CRYGS: variants seen among roughly 807,000 people sequenced by gnomAD.
The protein encoded by CRYGS is crystallin gamma S.
In CRYGS, 13 loss-of-function variants were observed where a neutral mutation model predicts 21.3. The observed-to-expected ratio is 0.61, with a 90% CI of 0.40 to 0.97. CRYGS has a LOEUF of 0.97. Among genes scored for constraint, CRYGS ranks in the 50% least tolerant of loss-of-function variants. The pLI is 0.00. For synonymous variants in CRYGS, 67 were observed against 75.0 expected, an observed-to-expected ratio of 0.89 and a Z score of 0.55; for missense variants, 205 against 229.7, an observed-to-expected ratio of 0.89 and a Z score of 0.69.
At chr3:186,540,418 T>A (rs1263209237) in intron 1 of CRYGS, 1 of 152,210 alleles carries the variant, frequency 6.6e-6, no homozygotes, top group African/African-American at 2.4e-5. Flanking sequence ...TACAGCAGAC[T>A]GGAAGTTCTG....
intron 1 of CRYGS, chr3:186,539,978 C>G: frequency 3.9e-6 from 1 of 258,348 alleles, no homozygotes; most frequent in Non-Finnish European, 7.6e-6. Flanking sequence ...AGGGCAAGTA[C>G]CAAGCCTTAT....
Position 186,538,601 on chromosome 3 carries a change from G to C in CRYGS, c.*95C>G. Reference sequence around the variant, plus strand: ...AGGAGAGGCATTATAGTCAGCAGTGGGATGCATGCCAACTGTTTTATTGAT... The same window carrying C: ...AGGAGAGGCATTATAGTCAGCAGTGCGATGCATGCCAACTGTTTTATTGAT... On this transcript the variant is annotated 3_prime_UTR_variant, in exon 3 of 3. Transcript: ENST00000307944. 1 of 1,492,692 alleles carries C rather than the reference G, an allele frequency of 6.7e-7. No individual in the cohort carries two copies. The highest frequency in any genetic ancestry group is 9.3e-7 in the Non-Finnish European group (1 of 1,074,120). The allele number at this position is 1,492,692 out of a possible 1,614,324, so 92.5% of individuals were successfully genotyped here.
chr3:186,541,356 A>C lies in CRYGS; in HGVS notation c.22-1759T>G, dbSNP rs187042290. On this transcript the variant is annotated intron_variant, in intron 1 of 2. Coordinates refer to ENST00000307944, the MANE Select transcript of CRYGS (RefSeq NM_017541.4). ...GGTCCCTTTTCCTTCCCACCCCTAA[A>C]TCATCTACTTCCTCTCCTTTATCCC... Among the ~76,000 whole-genome samples the C allele has an allele frequency of 4.6e-3, 697 of 151,946 alleles. 2 individuals carry two copies. Among genetic ancestry groups the C allele is most frequent in the Non-Finnish European group, 5.1e-3 (347 of 67,966 alleles).
chr3:186,538,711 G>A lies in CRYGS; in HGVS notation c.522C>T (p.Arg174=), dbSNP rs916687673. 3.1e-6 allele frequency: 5 copies of A among 1,614,078 alleles called. No individual in the cohort carries two copies. The African/African-American group carries it at 6.7e-5, about 22-fold the overall frequency. ...GAASPAVQSF[R]RIVE is the part of the protein sequence containing the mutation. ...ATTCATGTCATTACTCCACAATGCG[G>A]CGGAAAGACTGGACAGCTGGGGAGG... Residue 174 remains arginine, a synonymous_variant, in exon 3 of 3, where the codon CGC becomes CGT. Transcript: ENST00000307944.
At chr3:186,544,135 A>G (rs777205732) in intron 1 of CRYGS, among the ~76,000 whole-genome samples, 171 bp downstream of exon 1, 1 of 152,202 alleles carries the variant, frequency 6.6e-6, no homozygotes, top group Admixed American at 6.5e-5. Context: ...GTGTTCGGTA[A>G]TTCTGTTAAG....
chr3:186,538,463 G>A lies in CRYGS; in HGVS notation c.*233C>T. 1 of 589,226 alleles carries A rather than the reference G, an allele frequency of 1.7e-6. No individual in the cohort carries two copies. The highest frequency in any genetic ancestry group is 3.0e-6 in the Non-Finnish European group (1 of 331,866). The allele number at this position is 589,226 out of a possible 1,614,324, so 36.5% of individuals were successfully genotyped here. ...CAGTATGACTTTCTAACCTTTTAATGAGATCTCATTTTGTTTGGCACAAAG... is the reference window on the plus strand; with the variant it reads ...CAGTATGACTTTCTAACCTTTTAATAAGATCTCATTTTGTTTGGCACAAAG... On this transcript the variant is annotated 3_prime_UTR_variant, in exon 3 of 3. Transcript: ENST00000307944.
chr3:186,539,609 G>C lies in CRYGS; in HGVS notation c.22-12C>G. On this transcript the variant is annotated splice_polypyrimidine_tract_variant and intron_variant, in intron 1 of 2. Coordinates refer to ENST00000307944, the MANE Select transcript of CRYGS (RefSeq NM_017541.4). ...TCATAGAAAGTAATCTGAAGTAGAG[G>C]GCCAACAGAGAAAGAGCTGAGGAGC... is the stretch of plus-strand genomic sequence containing the variant. The C allele has an allele frequency of 6.2e-7, 1 of 1,613,960 alleles. No homozygotes were observed. Among genetic ancestry groups the C allele is most frequent in the Non-Finnish European group, 8.5e-7 (1 of 1,179,962 alleles).
chr3:186,542,006 C>T (rs1007066712), intron 1 of CRYGS, among the ~76,000 whole-genome samples: 3 of 152,232 alleles, frequency 2.0e-5, no homozygotes, highest in Admixed American at 6.5e-5. Context: ...GGTTTTTGAC[C>T]AAACAAGTCA....
In CRYGS at chr3:186,538,631, C is replaced by T; in HGVS notation, c.*65G>A. On this transcript the variant is annotated 3_prime_UTR_variant, in exon 3 of 3. Coordinates refer to ENST00000307944, the MANE Select transcript of CRYGS (RefSeq NM_017541.4). ...CATGCCAACTGTTTTATTGATGATG[C>T]CTATTTGGACCACAAGGCCAGCCAG... 6.2e-7 allele frequency: 1 copy of T among 1,601,262 alleles called. No homozygotes were observed.
rs567071045 is a variant in CRYGS, at chr3:186,542,119, C to T, written c.21+2187G>A. Among the ~76,000 whole-genome samples, 4 of 152,350 alleles carry T rather than the reference C, an allele frequency of 2.6e-5. No homozygotes were observed. The East Asian group carries it at 5.8e-4, about 22-fold the overall frequency. ...ACATTTACTGCCTTCTGCACATTTGCGTGACTAATTATCAATATCTGCTAA... is the reference window on the plus strand; with the variant it reads ...ACATTTACTGCCTTCTGCACATTTGTGTGACTAATTATCAATATCTGCTAA... On this transcript the variant is annotated intron_variant, in intron 1 of 2. Transcript: ENST00000307944.
chr3:186,539,773 A>G lies in CRYGS; in HGVS notation c.22-176T>C, dbSNP rs1035243549. ...TTCTGACAGACAACTTCAGTTGTCA[A>G]CAACAGAAATGAGTTCTTCCTGAAG... is the stretch of plus-strand genomic sequence containing the variant. On this transcript the variant is annotated intron_variant, in intron 1 of 2. Coordinates refer to ENST00000307944, the MANE Select transcript of CRYGS (RefSeq NM_017541.4). 7.2e-6 allele frequency: 5 copies of G among 695,000 alleles called. No homozygotes were observed. The African/African-American group carries it at 9.0e-5, about 13-fold the overall frequency. The allele number at this position is 695,000 out of a possible 1,614,324, so 43.1% of individuals were successfully genotyped here.
At position 186,538,484 on chromosome 3, in the gene CRYGS, C is replaced by T; in HGVS notation, c.*212G>A. 1 of 614,764 alleles carries T rather than the reference C, an allele frequency of 1.6e-6. No individual in the cohort carries two copies. Among genetic ancestry groups the T allele is most frequent in the East Asian group, 2.8e-5 (1 of 35,916 alleles). 38.1% of individuals were successfully genotyped at this position (614,764 alleles called of 1,614,324 possible). A position where few individuals can be genotyped will look rare whatever the true frequency, so the allele number is the denominator to read the frequency against. On this transcript the variant is annotated 3_prime_UTR_variant, in exon 3 of 3. Coordinates refer to ENST00000307944, the MANE Select transcript of CRYGS (RefSeq NM_017541.4). Reference sequence around the variant, plus strand: ...TAATGAGATCTCATTTTGTTTGGCACAAAGATCTAGATTGGTGATCTGGCA... The same window carrying T: ...TAATGAGATCTCATTTTGTTTGGCATAAAGATCTAGATTGGTGATCTGGCA...
In CRYGS at chr3:186,539,342, T is replaced by C. The variant is rs1320464980; in HGVS notation, c.264+13A>G. ...CGTGGGAAACAGAGGGAGTACACAG[T>C]CCCCAGACTCACCAGATGAACAGCT... On this transcript the variant is annotated intron_variant, in intron 2 of 2. Coordinates refer to ENST00000307944, the MANE Select transcript of CRYGS (RefSeq NM_017541.4). The C allele has an allele frequency of 6.2e-7, 1 of 1,612,004 alleles. No homozygotes were observed. Among genetic ancestry groups the C allele is most frequent in the Admixed American group, 1.7e-5 (1 of 60,006 alleles).
intron 1 of CRYGS, among the ~76,000 whole-genome samples, chr3:186,543,229 C>T (rs9830330): frequency 0.98 from 149,816 of 152,296 alleles, 73,702 homozygotes; most frequent in East Asian, 1. Flanking sequence ...CTAAAAAAAA[C>T]TAAAGAGAAT....
In CRYGS at chr3:186,544,237, G is replaced by A; in HGVS notation, c.21+69C>T. On this transcript the variant is annotated intron_variant, in intron 1 of 2. Transcript: ENST00000307944. ...CTCACCTCTAGGCAAAGAAGCAAAAGCTTTTCTGTGTGTTGAATGCATCAT... is the reference window on the plus strand; with the variant it reads ...CTCACCTCTAGGCAAAGAAGCAAAAACTTTTCTGTGTGTTGAATGCATCAT... The A allele has an allele frequency of 2.7e-6, 3 of 1,102,836 alleles. 1 individual carries two copies. The South Asian group carries it at 3.7e-5, about 14-fold the overall frequency. The allele number at this position is 1,102,836 out of a possible 1,614,324, so 68.3% of individuals were successfully genotyped here.
chr3:186,539,394 G>A lies in CRYGS; in HGVS notation c.225C>T (p.Gly75=). Residue 75 remains glycine (G), a synonymous_variant, in exon 2 of 3, where the codon GGC becomes GGT. Coordinates refer to ENST00000307944, the MANE Select transcript of CRYGS (RefSeq NM_017541.4). The part of the protein sequence containing the change: ...GEYPEYQRWM[G]LNDRLSSCRA... Reference sequence around the variant, plus strand: ...TGCAGGAGCTGAGGCGGTCGTTGAGGCCCATCCAACGCTGGTATTCAGGGT... The same window carrying A: ...TGCAGGAGCTGAGGCGGTCGTTGAGACCCATCCAACGCTGGTATTCAGGGT... The A allele has an allele frequency of 6.2e-7, 1 of 1,612,186 alleles. No homozygotes were observed. The highest frequency in any genetic ancestry group is 8.5e-7 in the Non-Finnish European group (1 of 1,180,002).
rs763911313 is a variant in CRYGS at position 186,544,336 on chromosome 3, A to T, written c.-10T>A. 1.3e-6 allele frequency: 2 copies of T among 1,599,084 alleles called. No individual in the cohort carries two copies. The highest frequency in any genetic ancestry group is 1.7e-6 in the Non-Finnish European group (2 of 1,166,298). On this transcript the variant is annotated 5_prime_UTR_variant, in exon 1 of 3. An upstream start codon of the reference 5' UTR is lost. Coordinates refer to ENST00000307944, the MANE Select transcript of CRYGS (RefSeq NM_017541.4). ...TTCCAGTTTTAGACATTTTTGGTGC[A>T]TAGACTGGTTTTCCCAGTGCTGAAA...
Position 186,539,473 on chromosome 3 carries a change from A to G in CRYGS, c.146T>C (p.Val49Ala). ...SIKVEGGTWA[V>A]YERPNFAGYM... ...CCCAGCAAAGTTGGGCCTTTCATAA[A>G]CAGCCCAGGTGCCTCCTTCCACTTT... The change falls in exon 2 of 3, where the codon GTT (valine) becomes GCT (alanine). Residue 49 changes from valine (V) to alanine (A), a missense_variant. Physicochemically the swap from Val to Ala is moderately conservative, Grantham distance 64. Transcript: ENST00000307944. 6.2e-7 allele frequency: 1 copy of G among 1,613,442 alleles called. No homozygotes were observed.
chr3:186,544,157 T>C (rs767679491), intron 1 of CRYGS, 149 bp downstream of exon 1: 63 of 713,268 alleles, frequency 8.8e-5, no homozygotes, highest in East Asian at 1.6e-4. Flanking sequence ...GTGGAAAATA[T>C]AATAAGCATT....
Sources: allele counts gnomAD v4.1 joint callset (sites outside exome capture counted in the v4.1 genomes callset), GRCh38; gene constraint gnomAD v4.1.1; transcripts MANE v1.5; gene names NCBI Gene and HGNC (gene_info 2026-07-23, HGNC 2026-07-21).